RAB21: variants seen among roughly 807,000 people sequenced by gnomAD.
The protein encoded by RAB21 is RAB21, member RAS oncogene family.
In RAB21, 13 loss-of-function variants were observed where a neutral mutation model predicts 33.1. That is an observed-to-expected ratio of 0.39 (90% CI 0.26 to 0.62). The LOEUF (loss-of-function observed/expected upper bound fraction) is 0.62. Ranked by LOEUF, RAB21 falls within the 20% of genes least tolerant of loss-of-function variation. The probability of loss-of-function intolerance (pLI) is 0.48; values close to 1 mark genes in which losing one functional copy is unlikely to be tolerated. For synonymous variants in RAB21, 91 were observed against 103.7 expected (o/e 0.88, Z 0.74); for missense variants, 234 against 279.1 (o/e 0.84, Z 1.15).
chr12:71,795,327 C>A lies in RAB21; in HGVS notation c.*9654C>A, dbSNP rs1883453511. 6.6e-6 allele frequency: 1 copy of A among 152,130 alleles called. No individual in the cohort carries two copies. The highest frequency in any genetic ancestry group is 2.4e-5 in the African/African-American group (1 of 41,414). 9.4% of individuals were successfully genotyped at this position (152,130 alleles called of 1,614,324 possible). A position where few individuals can be genotyped will look rare whatever the true frequency, so the allele number is the denominator to read the frequency against. On this transcript the variant is annotated 3_prime_UTR_variant, in exon 7 of 7. Coordinates refer to ENST00000261263, the MANE Select transcript of RAB21 (RefSeq NM_014999.4). ...GCAGCAGCAGCTGTTCTAAGCCAAGCACTGCTTGAAAACAAAACAAAACAG... is the reference window on the plus strand; with the variant it reads ...GCAGCAGCAGCTGTTCTAAGCCAAGAACTGCTTGAAAACAAAACAAAACAG...
At position 71,786,952 on chromosome 12, in the gene RAB21, A is replaced by C. The variant is rs922592951; in HGVS notation, c.*1279A>C. 6.6e-6 allele frequency: 1 copy of C among 152,234 alleles called. No individual in the cohort carries two copies. Among genetic ancestry groups the C allele is most frequent in the Non-Finnish European group, 1.5e-5 (1 of 68,058 alleles). The allele number at this position is 152,234 out of a possible 1,614,324, so 9.4% of individuals were successfully genotyped here. A position where few individuals can be genotyped will look rare whatever the true frequency, so the allele number is the denominator to read the frequency against. ...TAGCTTTCATTTTCTCATAGGCTTT[A>C]TAAGAGATGGGTTCAGTGGTATGAG... On this transcript the variant is annotated 3_prime_UTR_variant, in exon 7 of 7. Transcript: ENST00000261263.
chr12:71,774,085 C>A, intron 4 of RAB21, 63 bp downstream of exon 4: 3 of 1,144,790 alleles, frequency 2.6e-6, no homozygotes, highest in East Asian at 2.5e-5. Context: ...TTATTGAAGA[C>A]AAGTAATTTT....
At chr12:71,778,119 A>AT (rs778657725) in intron 4 of RAB21, among the ~76,000 whole-genome samples, 2 of 152,184 alleles carry the variant, frequency 1.3e-5, no homozygotes, top group African/African-American at 2.4e-5. Context: ...TAGCATTTTC[A>AT]TGTGTAAATT....
intron 1 of RAB21, 64 bp downstream of exon 1, chr12:71,755,352 C>A: frequency 2.1e-6 from 3 of 1,415,968 alleles, no homozygotes; most frequent in Non-Finnish European, 2.8e-6. Context: ...GCTGGGGAAA[C>A]TTTGCCGCCC....
chr12:71,794,427 ATTTTTTTTTTTTTTTT>A lies in RAB21; in HGVS notation c.*8768_*8783del, dbSNP rs71068802. On this transcript the variant is annotated 3_prime_UTR_variant, in exon 7 of 7. Coordinates refer to ENST00000261263, the MANE Select transcript of RAB21 (RefSeq NM_014999.4). ...ATATTATATATATATATATATATAT[ATTTTTTTTTTTTTTTT>A]TTTTTTTTTTTTTGAGACGGAGTCT... The A allele has an allele frequency of 3.6e-5, 1 of 27,964 alleles. No individual in the cohort carries two copies. Among genetic ancestry groups the A allele is most frequent in the Admixed American group, 6.9e-4 (1 of 1,458 alleles). 1.7% of individuals were successfully genotyped at this position (27,964 alleles called of 1,614,324 possible).
intron 1 of RAB21, among the ~76,000 whole-genome samples, chr12:71,758,252 C>T (rs1043626616): frequency 6.6e-6 from 1 of 151,838 alleles, no homozygotes; most frequent in Non-Finnish European, 1.5e-5. Flanking sequence ...AGGCTGGTCT[C>T]GAACTCCTGA....
At chr12:71,764,683 C>G (rs11178936) in intron 1 of RAB21, among the ~76,000 whole-genome samples, 13,030 of 152,190 alleles carry the variant, frequency 0.086, 765 homozygotes, top group Middle Eastern at 0.14. Flanking sequence ...GCTTAGCTCT[C>G]ACTTATAAGT....
chr12:71,757,083 A>G (rs1882795855), intron 1 of RAB21, among the ~76,000 whole-genome samples: 1 of 152,194 alleles, frequency 6.6e-6, no homozygotes, highest in Admixed American at 6.5e-5. Flanking sequence ...AAGATCTAAG[A>G]TAAAAGAAAA....
Position 71,770,718 on chromosome 12 carries a change from G to C in RAB21, c.327+19G>C. On this transcript the variant is annotated intron_variant, in intron 3 of 6. Coordinates refer to ENST00000261263, the MANE Select transcript of RAB21 (RefSeq NM_014999.4). ...TCAGAAGGTATTCTATTCATGGGTAGATGTCTTAGAAGAACAATAGTAATT... is the reference window on the plus strand; with the variant it reads ...TCAGAAGGTATTCTATTCATGGGTACATGTCTTAGAAGAACAATAGTAATT... The C allele has an allele frequency of 1.4e-6, 2 of 1,449,972 alleles. No homozygotes were observed. The highest frequency in any genetic ancestry group is 1.9e-6 in the Non-Finnish European group (2 of 1,042,300). 89.8% of individuals were successfully genotyped at this position (1,449,972 alleles called of 1,614,324 possible).
rs900877602 is a variant in RAB21 at position 71,769,248 on chromosome 12, A to G, written c.160-552A>G. Among the ~76,000 whole-genome samples, 7 of 152,244 alleles carry G rather than the reference A, an allele frequency of 4.6e-5. No homozygotes were observed. In the East Asian group the frequency reaches 7.7e-4, roughly 17 times the overall value. ...GGCAAGACCCTCCATTTTAGCAATTATCACATGGAATCGTAATTCTCTTTA... is the reference window on the plus strand; with the variant it reads ...GGCAAGACCCTCCATTTTAGCAATTGTCACATGGAATCGTAATTCTCTTTA... On this transcript the variant is annotated intron_variant, in intron 1 of 6. Coordinates refer to ENST00000261263, the MANE Select transcript of RAB21 (RefSeq NM_014999.4).
At chr12:71,773,175 C>T (rs12424433) in intron 3 of RAB21, among the ~76,000 whole-genome samples, 1 of 152,206 alleles carries the variant, frequency 6.6e-6, no homozygotes, top group African/African-American at 2.4e-5. Flanking sequence ...AAAGATTCAT[C>T]TACTTAATTC....
rs113599092 is a variant in RAB21, at chr12:71,763,109, A to G, written c.160-6691A>G. 3.3e-5 allele frequency among the ~76,000 whole-genome samples: 5 copies of G among 150,864 alleles called. No individual in the cohort carries two copies. In the East Asian group the frequency reaches 5.8e-4, roughly 18 times the overall value. The stretch of plus-strand genomic sequence containing the variant: ...GAATATTTATTTTGCACGCACACAC[A>G]CACACACACACACACACACAATCTT... On this transcript the variant is annotated intron_variant, in intron 1 of 6. Coordinates refer to ENST00000261263, the MANE Select transcript of RAB21 (RefSeq NM_014999.4).
In RAB21 at chr12:71,794,421, ATATATATTTTTTTTTTTT is replaced by A. The variant is rs1277635588; in HGVS notation, c.*8750_*8767del. The A allele has an allele frequency of 2.4e-4, 13 of 53,114 alleles. No homozygotes were observed. Among genetic ancestry groups the A allele is most frequent in the African/African-American group, 1.3e-3 (12 of 9,302 alleles). 3.3% of individuals were successfully genotyped at this position (53,114 alleles called of 1,614,324 possible). ...ATATATATATTATATATATATATAT[ATATATATTTTTTTTTTTT>A]TTTTTTTTTTTTTTTTTGAGACGGA... On this transcript the variant is annotated 3_prime_UTR_variant, in exon 7 of 7. Coordinates refer to ENST00000261263, the MANE Select transcript of RAB21 (RefSeq NM_014999.4).
chr12:71,765,408 T>G (rs1315756408), intron 1 of RAB21, among the ~76,000 whole-genome samples: 1 of 152,198 alleles, frequency 6.6e-6, no homozygotes, highest in Non-Finnish European at 1.5e-5. Context: ...GGTTGTCTGT[T>G]TACTCTGCTG....
Position 71,796,282 on chromosome 12 carries a change from C to T in RAB21, c.*10609C>T, listed in dbSNP as rs1883463451. The T allele has an allele frequency of 7.3e-6, 1 of 137,690 alleles. No individual in the cohort carries two copies. The highest frequency in any genetic ancestry group is 1.5e-5 in the Non-Finnish European group (1 of 65,962). The allele number at this position is 137,690 out of a possible 1,614,324, so 8.5% of individuals were successfully genotyped here. On this transcript the variant is annotated 3_prime_UTR_variant, in exon 7 of 7. Coordinates refer to ENST00000261263, the MANE Select transcript of RAB21 (RefSeq NM_014999.4). ...AGTGTCTCATGGCCCTGTGAGGGAACTCTACAAATTTTATCCATTTTGCTG... is the reference window on the plus strand; with the variant it reads ...AGTGTCTCATGGCCCTGTGAGGGAATTCTACAAATTTTATCCATTTTGCTG...
In RAB21 at chr12:71,791,568, G is replaced by C. The variant is rs1883385673; in HGVS notation, c.*5895G>C. On this transcript the variant is annotated 3_prime_UTR_variant, in exon 7 of 7. Transcript: ENST00000261263. ...CTAAAACAAGTCTTTATACAACTCT[G>C]ACAGCAACTCCCATAACAGGACATG... 1 of 152,122 alleles carries C rather than the reference G, an allele frequency of 6.6e-6. No homozygotes were observed. Among genetic ancestry groups the C allele is most frequent in the Admixed American group, 6.5e-5 (1 of 15,274 alleles). The allele number at this position is 152,122 out of a possible 1,614,324, so 9.4% of individuals were successfully genotyped here.
At chr12:71,779,707 C>T (rs1369171738) in intron 4 of RAB21, among the ~76,000 whole-genome samples, 5 of 152,112 alleles carry the variant, frequency 3.3e-5, no homozygotes, top group African/African-American at 1.2e-4. Flanking sequence ...GTAGCTTTTT[C>T]CCTCCCTTTC....
intron 1 of RAB21, among the ~76,000 whole-genome samples, chr12:71,755,709 T>A (rs1405533711): frequency 3.9e-5 from 6 of 152,248 alleles, no homozygotes. Context: ...ACTTCAGCGC[T>A]TACTGATGAC....
At chr12:71,769,661 C>T (rs185463736) in intron 1 of RAB21, 139 bp from the exon 2 acceptor site, 182 of 409,528 alleles carry the variant, frequency 4.4e-4, no homozygotes, top group Admixed American at 7.0e-4. Context: ...GAAACAATTT[C>T]GATCATTAAT....
Sources: allele counts gnomAD v4.1 joint callset (sites outside exome capture counted in the v4.1 genomes callset), GRCh38; gene constraint gnomAD v4.1.1; transcripts MANE v1.5; gene names NCBI Gene and HGNC (gene_info 2026-07-23, HGNC 2026-07-21).